Variants in FAT1 observed in about 807,000 individuals in gnomAD.
FAT1 encodes FAT atypical cadherin 1.
FAT1 carries 171 observed loss-of-function variants against 329.8 expected under a neutral mutation model. That is an observed-to-expected ratio of 0.52 (90% CI 0.46 to 0.59). The LOEUF is 0.59. Among genes scored for constraint, FAT1 ranks in the 20% least tolerant of loss-of-function variants. The pLI, the probability that FAT1 is intolerant of heterozygous loss-of-function variation, is 0.00. For synonymous variants in FAT1, 2,233 were observed against 2,228.6 expected (o/e 1.00, Z -0.06); for missense variants, 5,672 against 5,774.4 (o/e 0.98, Z 0.57).
At chr4:186,700,444 C>T (rs570607669) in intron 2 of FAT1, among the ~76,000 whole-genome samples, 36 of 152,288 alleles carry the variant, frequency 2.4e-4, no homozygotes, top group Middle Eastern at 6.8e-3. Context: ...GCCACCGCGA[C>T]GGAATTCAAA....
At chr4:186,715,241 C>T (rs1745155694) in intron 1 of FAT1, among the ~76,000 whole-genome samples, 1 of 146,790 alleles carries the variant, frequency 6.8e-6, no homozygotes, top group South Asian at 2.4e-4. Flanking sequence ...GGTGCTCAGT[C>T]CCACCACAGC....
chr4:186,698,724 G>T lies in FAT1; in HGVS notation c.3265+7839C>A, dbSNP rs540465134. On this transcript the variant is annotated intron_variant, in intron 2 of 26. Coordinates refer to ENST00000441802, the MANE Select transcript of FAT1 (RefSeq NM_005245.4). ...GGGAAGCACGGGTGATGTTAAATGG[G>T]AGAGCAGGGAGGCCTGTTAGGGCAA... is the stretch of plus-strand genomic sequence containing the variant. Among the ~76,000 whole-genome samples, 4 of 152,344 alleles carry T rather than the reference G, an allele frequency of 2.6e-5. No individual in the cohort carries two copies. The South Asian group carries it at 8.3e-4, about 32-fold the overall frequency.
At position 186,709,737 on chromosome 4, in the gene FAT1, G is replaced by A. The variant is rs1217025404; in HGVS notation, c.91C>T (p.Pro31Ser). 2 of 1,613,706 alleles carry A rather than the reference G, an allele frequency of 1.2e-6. No individual in the cohort carries two copies. The highest frequency in any genetic ancestry group is 2.7e-5 in the African/African-American group (2 of 74,938). The change falls in exon 2 of 27, where the codon CCT becomes TCT. Residue 31 changes from proline to serine, a missense_variant. Around this residue, in one of 2 missense-constraint regions of FAT1, gnomAD observed 3,966 missense variants for 3,915.2 expected, o/e 1.01. Transcript: ENST00000441802. ...TACTCGAGGTGTGTAAACTGCAGAGGAGTCTGTTCAAGTCGTTGGCTGCCA... is the reference window on the plus strand; with the variant it reads ...TACTCGAGGTGTGTAAACTGCAGAGAAGTCTGTTCAAGTCGTTGGCTGCCA... ...SDGSQRLEQTPLQFTHLEYNV... is the reference protein window; with the variant it reads ...SDGSQRLEQTSLQFTHLEYNV...
rs201487149 is a variant in FAT1, at chr4:186,709,387, C to T, written c.441G>A (p.Pro147=). Residue 147 remains proline, a synonymous_variant, in exon 2 of 27, where the codon CCG becomes CCA. Transcript: ENST00000441802. ...CGCTGTATGAGGTGGGTGAGAATAA[C>T]GGTCTCAAGTCATTTGTATCCAGCA... ...VQVLDTNDLR[P]LFSPTSYSVS... 1.0e-4 allele frequency: 164 copies of T among 1,613,790 alleles called. No individual in the cohort carries two copies. The highest frequency in any genetic ancestry group is 5.7e-5 in the Non-Finnish European group (67 of 1,179,900).
At chr4:186,660,455 A>G (rs1226173981) in intron 3 of FAT1, among the ~76,000 whole-genome samples, 1 of 152,220 alleles carries the variant, frequency 6.6e-6, no homozygotes, top group Non-Finnish European at 1.5e-5. Flanking sequence ...AGACTTCTTT[A>G]CTAACCACAG....
rs2126527201 is a variant in FAT1 at position 186,621,643 on chromosome 4, C to T, written c.4943G>A (p.Ser1648Asn). 6.2e-7 allele frequency: 1 copy of T among 1,614,010 alleles called. No individual in the cohort carries two copies. Among genetic ancestry groups the T allele is most frequent in the Non-Finnish European group, 8.5e-7 (1 of 1,179,890 alleles). Residue 1648 changes from serine to asparagine, a missense_variant, in exon 10 of 27, where the codon AGT becomes AAT. Ser to Asn is a conservative substitution (Grantham distance 46). Transcript: ENST00000441802. ...AAAGATACGCACAGAAGTTATTTCA[C>T]TCATTGGTGGACTGCCCTTATCTGT... ...KATDKGSPPM[S>N]EITSVRIFVT...
intron 26 of FAT1, among the ~76,000 whole-genome samples, chr4:186,593,958 G>A (rs570629482): frequency 3.9e-5 from 6 of 152,282 alleles, no homozygotes; most frequent in Non-Finnish European, 5.9e-5. Context: ...TTACATTATG[G>A]TAATGAGTAA....
chr4:186,614,350 A>G lies in FAT1; in HGVS notation c.9076-6T>C. On this transcript the variant is annotated splice_polypyrimidine_tract_variant and splice_region_variant and intron_variant, in intron 11 of 26. Coordinates refer to ENST00000441802, the MANE Select transcript of FAT1 (RefSeq NM_005245.4). Reference sequence around the variant, plus strand: ...ATAGTGTCTGAATATAAAGTCTGCAAAGAGTTTAAACAAAAACGTTACATA... The same window carrying G: ...ATAGTGTCTGAATATAAAGTCTGCAGAGAGTTTAAACAAAAACGTTACATA... 6.6e-7 allele frequency: 1 copy of G among 1,520,922 alleles called. No individual in the cohort carries two copies. The allele number at this position is 1,520,922 out of a possible 1,614,324, so 94.2% of individuals were successfully genotyped here.
At chr4:186,714,950 C>T (rs1042186092) in intron 1 of FAT1, among the ~76,000 whole-genome samples, 11 of 152,012 alleles carry the variant, frequency 7.2e-5, no homozygotes, top group Non-Finnish European at 1.3e-4. Context: ...CGGTGGTGTG[C>T]GCCTGTAGTC....
At position 186,707,956 on chromosome 4, in the gene FAT1, C is replaced by T. The variant is rs759044251; in HGVS notation, c.1872G>A (p.Leu624=). 1.9e-6 allele frequency: 3 copies of T among 1,613,826 alleles called. No homozygotes were observed. In the African/African-American group the frequency reaches 4.0e-5, roughly 22 times the overall value. The change falls in exon 2 of 27, where the codon TTG becomes TTA. Residue 624 remains leucine, a synonymous_variant. Transcript: ENST00000441802. ...FFSLNPNSGV[L]SLKRSLMDGL... ...CATCCATTAGCGATCGCTTTAATGA[C>T]AATACCCCCGAGTTGGGGTTTAAAC...
At chr4:186,610,617 TATAA>T (rs1452509737) in intron 14 of FAT1, among the ~76,000 whole-genome samples, 3 of 126,530 alleles carry the variant, frequency 2.4e-5, no homozygotes, top group Admixed American at 9.1e-5. Context: ...ATATAAATTA[TATAA>T]ATATAAATTA....
intron 16 of FAT1, among the ~76,000 whole-genome samples, chr4:186,608,790 C>A (rs188914269): frequency 6.6e-6 from 1 of 152,172 alleles, no homozygotes; most frequent in African/African-American, 2.4e-5. Flanking sequence ...TGGGTAAAGT[C>A]CCCTAAATAT....
intron 1 of FAT1, among the ~76,000 whole-genome samples, chr4:186,713,580 G>A (rs1340988195): frequency 6.6e-6 from 1 of 152,130 alleles, no homozygotes; most frequent in African/African-American, 2.4e-5. Flanking sequence ...ATTCTTAAGA[G>A]ACAGAGAGTT....
intron 9 of FAT1, among the ~76,000 whole-genome samples, chr4:186,627,522 CT>C (rs1740373862): frequency 6.6e-6 from 1 of 151,200 alleles, no homozygotes; most frequent in Non-Finnish European, 1.5e-5. Flanking sequence ...GCAGCTCCAG[CT>C]GTTTTTTTTG....
intron 1 of FAT1, among the ~76,000 whole-genome samples, chr4:186,719,942 C>T (rs327103): frequency 0.69 from 104,776 of 152,120 alleles, 36,342 homozygotes; most frequent in Middle Eastern, 0.74. Flanking sequence ...TATTCTTTAG[C>T]TTGAAAATAT....
chr4:186,633,733 T>C lies in FAT1; in HGVS notation c.4274A>G (p.Tyr1425Cys), dbSNP rs774376762. ...KPLDAEQKSN[Y>C]NLTVEATDGT... ...ATCTGTAGCCTCGACTGTGAGGTTG[T>C]AGTTTGACTTCTGTTCTGCATCAAG... The change falls in exon 7 of 27, where the codon TAC (tyrosine) becomes TGC (cysteine). Residue 1425 changes from tyrosine to cysteine, a missense_variant. Tyr to Cys is a radical substitution (Grantham distance 194). Coordinates refer to ENST00000441802, the MANE Select transcript of FAT1 (RefSeq NM_005245.4). 1.4e-5 allele frequency: 22 copies of C among 1,614,000 alleles called. No homozygotes were observed. Among genetic ancestry groups the C allele is most frequent in the Middle Eastern group, 1.7e-4 (1 of 6,060 alleles).
At chr4:186,606,626 G>A (rs756284247) in intron 16 of FAT1, among the ~76,000 whole-genome samples, 2 of 152,114 alleles carry the variant, frequency 1.3e-5, no homozygotes, top group Non-Finnish European at 2.9e-5. Context: ...AGACAGACAT[G>A]AGCTGCCTCC....
rs1041455535 is a variant in FAT1 at position 186,707,359 on chromosome 4, T to C, written c.2469A>G (p.Leu823=). Residue 823 remains leucine (L), a synonymous_variant, in exon 2 of 27, where the codon TTA becomes TTG. Transcript: ENST00000441802. ...VDANDNPPEF[L]QESYFVEVSE... is the part of the protein sequence containing the mutation. ...TCACTTCCACAAAATAGCTCTCCTG[T>C]AAAAACTCGGGTGGATTATCATTGG... is the stretch of plus-strand genomic sequence containing the variant. 6.8e-6 allele frequency: 11 copies of C among 1,613,944 alleles called. No individual in the cohort carries two copies. Among genetic ancestry groups the C allele is most frequent in the Non-Finnish European group, 9.3e-6 (11 of 1,179,890 alleles).
chr4:186,678,791 C>T (rs1050959442), intron 2 of FAT1, among the ~76,000 whole-genome samples: 1 of 152,004 alleles, frequency 6.6e-6, no homozygotes, highest in African/African-American at 2.4e-5. Context: ...TGTGGCGATT[C>T]CTTAAGGATC....
Sources: gnomAD v4.1 joint callset for allele counts (sites outside exome capture counted in the v4.1 genomes callset) on GRCh38, gnomAD v4.1.1 for gene constraint, gnomAD v4.1.1 regional missense constraint, MANE v1.5 for transcripts, NCBI Gene and HGNC (gene_info 2026-07-23, HGNC 2026-07-21) for gene names.